Variants in TSNARE1 observed in about 807,000 individuals in gnomAD.
The protein encoded by TSNARE1 is t-SNARE domain containing 1, also known as t-SNARE domain-containing protein 1.
TSNARE1 carries 49 observed loss-of-function variants against 62.0 expected under a neutral mutation model. That is an observed-to-expected ratio of 0.79 (90% CI 0.63 to 1.00). The LOEUF is 1.00. Ranked by LOEUF, TSNARE1 falls within the 50% of genes least tolerant of loss-of-function variation. TSNARE1 has a pLI of 0.00. For missense variants in TSNARE1, 755 were observed against 700.1 expected (o/e 1.08, Z -0.88); for synonymous variants, 328 against 294.4 (o/e 1.11, Z -1.17).
intron 12 of TSNARE1, among the ~76,000 whole-genome samples, chr8:142,242,777 C>A (rs1450823552): frequency 2.0e-5 from 3 of 152,008 alleles, no homozygotes; most frequent in African/African-American, 7.3e-5. Flanking sequence ...GCCTGGCCAA[C>A]ATGGTGAAAC....
intron 9 of TSNARE1, among the ~76,000 whole-genome samples, chr8:142,303,000 C>A (rs1054750748): frequency 2.0e-5 from 3 of 152,160 alleles, no homozygotes; most frequent in African/African-American, 4.8e-5. Flanking sequence ...CCATCCCACT[C>A]ACGTCCAGAG....
chr8:142,267,100 CTGAT>C (rs943085654), intron 12 of TSNARE1, among the ~76,000 whole-genome samples: 1 of 152,086 alleles, frequency 6.6e-6, no homozygotes, highest in African/African-American at 2.4e-5. Flanking sequence ...TATTATATGT[CTGAT>C]TAATTGCAAC....
At chr8:142,272,431 C>A (rs559894077) in intron 12 of TSNARE1, among the ~76,000 whole-genome samples, 3,677 of 58,292 alleles carry the variant, frequency 0.063, 69 homozygotes, top group African/African-American at 0.14. Flanking sequence ...CACCTATCCA[C>A]CCGCCTGTCT....
intron 10 of TSNARE1, among the ~76,000 whole-genome samples, chr8:142,297,048 GAGC>G (rs1377390413): frequency 6.6e-6 from 1 of 152,228 alleles, no homozygotes; most frequent in African/African-American, 2.4e-5. Context: ...TGAGGACAGA[GAGC>G]GACCTTCCAC....
At chr8:142,264,202 G>T (rs1278241069) in intron 12 of TSNARE1, among the ~76,000 whole-genome samples, 1 of 152,148 alleles carries the variant, frequency 6.6e-6, no homozygotes, top group Non-Finnish European at 1.5e-5. Context: ...ATGTAGAACT[G>T]TTTTAAAATT....
chr8:142,334,633 A>T (rs1176735674), intron 4 of TSNARE1, among the ~76,000 whole-genome samples: 1 of 152,250 alleles, frequency 6.6e-6, no homozygotes, highest in Non-Finnish European at 1.5e-5. Flanking sequence ...CATATTTTTT[A>T]AATCCAAGGT....
chr8:142,306,792 A>G (rs1826762204), intron 9 of TSNARE1, among the ~76,000 whole-genome samples: 1 of 152,210 alleles, frequency 6.6e-6, no homozygotes, highest in Non-Finnish European at 1.5e-5. Context: ...CAGAAGCACT[A>G]CTGGCCACTC....
chr8:142,280,446 C>A (rs1411440126), intron 11 of TSNARE1: 2 of 445,908 alleles, frequency 4.5e-6, no homozygotes, highest in Non-Finnish European at 5.9e-6. Context: ...CATCGGCACC[C>A]AGCATAGGCA....
chr8:142,403,161 G>C lies in TSNARE1; in HGVS notation c.-97C>G, dbSNP rs1393702848. The C allele has an allele frequency of 1.3e-5, 2 of 148,532 alleles. No homozygotes were observed. Among genetic ancestry groups the C allele is most frequent in the Admixed American group, 6.7e-5 (1 of 14,980 alleles). 9.2% of individuals were successfully genotyped at this position (148,532 alleles called of 1,614,324 possible). On this transcript the variant is annotated 5_prime_UTR_variant, in exon 1 of 14. Coordinates refer to ENST00000524325, the MANE Select transcript of TSNARE1 (RefSeq NM_145003.5). ...CGCTCACGGCGGGCGAGGCGGGCGG[G>C]GCGGGCACCCAAACATCACGTGACG...
In TSNARE1 at chr8:142,291,690, C is replaced by T. The variant is rs1823779309; in HGVS notation, c.1291-7205G>A. Among the ~76,000 whole-genome samples the T allele has an allele frequency of 6.6e-6, 1 of 152,190 alleles. No individual in the cohort carries two copies. The highest frequency in any genetic ancestry group is 2.4e-5 in the African/African-American group (1 of 41,456). On this transcript the variant is annotated intron_variant, in intron 10 of 13. Coordinates refer to ENST00000524325, the MANE Select transcript of TSNARE1 (RefSeq NM_145003.5). The surrounding 1 kb of genome is among the most constrained non-coding windows in gnomAD (Gnocchi z 4.8). Reference sequence around the variant, plus strand: ...ACGCTCGAGTGGCGAGAGATGAATCCTAACGAGAACCCAACAGTGTGTGGG... The same window carrying T: ...ACGCTCGAGTGGCGAGAGATGAATCTTAACGAGAACCCAACAGTGTGTGGG...
At chr8:142,286,703 C>T (rs1207721269) in intron 10 of TSNARE1, among the ~76,000 whole-genome samples, 1 of 152,220 alleles carries the variant, frequency 6.6e-6, no homozygotes, top group East Asian at 1.9e-4. Flanking sequence ...ATGGGGACAT[C>T]AAGGTCACGA....
At chr8:142,302,324 C>T (rs558271172) in intron 9 of TSNARE1, among the ~76,000 whole-genome samples, 3 of 152,272 alleles carry the variant, frequency 2.0e-5, no homozygotes, top group South Asian at 4.1e-4. Context: ...CCAGCTGACT[C>T]GTCCGGCCAC....
At chr8:142,316,249 A>G (rs1828510492) in intron 7 of TSNARE1, among the ~76,000 whole-genome samples, 1 of 151,798 alleles carries the variant, frequency 6.6e-6, no homozygotes, top group Admixed American at 6.6e-5. Flanking sequence ...CGCTGCTGAC[A>G]TCACTGCCCG....
chr8:142,379,293 TCTC>T (rs1836561723), intron 1 of TSNARE1, among the ~76,000 whole-genome samples: 1 of 152,064 alleles, frequency 6.6e-6, no homozygotes, highest in Non-Finnish European at 1.5e-5. Context: ...AGGGGCTGCC[TCTC>T]CTCCTAACCC....
chr8:142,241,882 A>T (rs1476161159), intron 12 of TSNARE1, among the ~76,000 whole-genome samples: 1 of 151,328 alleles, frequency 6.6e-6, no homozygotes, highest in Non-Finnish European at 1.5e-5. Flanking sequence ...GACATGTGAG[A>T]CCTAAAACTC....
At chr8:142,369,105 A>G (rs921514686) in intron 1 of TSNARE1, among the ~76,000 whole-genome samples, 1 of 152,348 alleles carries the variant, frequency 6.6e-6, no homozygotes, top group Non-Finnish European at 1.5e-5. Flanking sequence ...TCCAACAGCC[A>G]GCAGACGCAG....
chr8:142,278,493 G>T, intron 11 of TSNARE1: 2 of 985,468 alleles, frequency 2.0e-6, no homozygotes, highest in Non-Finnish European at 2.4e-6. Context: ...GCGGGGCTCT[G>T]CTTCGAAGGG....
At chr8:142,395,376 G>A (rs1054409218) in intron 1 of TSNARE1, among the ~76,000 whole-genome samples, 1 of 152,074 alleles carries the variant, frequency 6.6e-6, no homozygotes, top group African/African-American at 2.4e-5. Context: ...GTCCCCCAGC[G>A]GAGACTTCAA....
At chr8:142,331,063 G>A in intron 5 of TSNARE1, 93 bp from the exon 6 acceptor site, 1 of 1,166,056 alleles carries the variant, frequency 8.6e-7, no homozygotes, top group African/African-American at 1.5e-5. Flanking sequence ...CCCGGGCAGG[G>A]TGAGCAGAGC....
Sources: gnomAD v4.1 joint callset for allele counts (sites outside exome capture counted in the v4.1 genomes callset) on GRCh38, gnomAD v4.1.1 for gene constraint, Gnocchi (gnomAD v3.1) non-coding constraint, MANE v1.5 for transcripts, NCBI Gene and HGNC (gene_info 2026-07-23, HGNC 2026-07-21) for gene names.